The following ATP2B2 variants were observed in gnomAD, a reference collection of about 807,000 sequenced individuals.
ATP2B2 encodes plasma membrane calcium-transporting ATPase 2.
In ATP2B2, 15 loss-of-function variants were observed where a neutral mutation model predicts 120.0. The ratio of observed to expected loss-of-function variants is 0.12; its 90% CI spans 0.08 to 0.19. The LOEUF is 0.19. ATP2B2 is among the 10% of genes least tolerant of loss of function. The pLI is 1.00. For synonymous variants in ATP2B2, 694 were observed against 700.3 expected (o/e 0.99, Z 0.14); for missense variants, 1,045 against 1,719.8 (o/e 0.61, Z 6.94).
intron 2 of ATP2B2, among the ~76,000 whole-genome samples, chr3:10,593,830 A>T (rs1166154146): frequency 2.0e-5 from 3 of 152,172 alleles, no homozygotes; most frequent in African/African-American, 7.2e-5. Flanking sequence ...CAAAGGGCTA[A>T]TACCCAGAAT....
At chr3:10,390,959 G>C (rs1040934518) in intron 5 of ATP2B2, among the ~76,000 whole-genome samples, 3 of 152,168 alleles carry the variant, frequency 2.0e-5, no homozygotes, top group Non-Finnish European at 4.4e-5. Flanking sequence ...AGCTCGGCTT[G>C]TTAGGGTGCT....
At chr3:10,374,965 C>T (rs1027002735) in intron 11 of ATP2B2, among the ~76,000 whole-genome samples, 5 of 152,218 alleles carry the variant, frequency 3.3e-5, no homozygotes, top group Non-Finnish European at 5.9e-5. Flanking sequence ...CAGTTGCCCG[C>T]GGGGCCTACG....
At chr3:10,621,801 G>T (rs946034022) in intron 1 of ATP2B2, among the ~76,000 whole-genome samples, 6 of 152,348 alleles carry the variant, frequency 3.9e-5, no homozygotes, top group Admixed American at 2.0e-4. Context: ...TGAGGAAGTT[G>T]AGTCCCAGAG....
intron 8 of ATP2B2, among the ~76,000 whole-genome samples, chr3:10,381,318 A>T (rs3774164): frequency 1.3e-5 from 2 of 152,182 alleles, no homozygotes; most frequent in East Asian, 3.9e-4. Flanking sequence ...GAATAACAAC[A>T]ATTATTTTTA....
In ATP2B2 at chr3:10,488,463, A is replaced by ATTCATTCC. The variant is rs1398194870; in HGVS notation, c.-320+17001_-320+17002insGGAATGAA. 8.7e-3 allele frequency among the ~76,000 whole-genome samples: 833 copies of ATTCATTCC among 95,752 alleles called. 9 individuals carry two copies. Among genetic ancestry groups the ATTCATTCC allele is most frequent in the Middle Eastern group, 0.038 (7 of 184 alleles). 62.8% of individuals were successfully genotyped at this position (95,752 alleles called of 152,430 possible). ...CATCCATCCATCCACCACCCTACAA[A>ATTCATTCC]TTCCTTCCTTCCTTCCTTCCTTCCT... On this transcript the variant is annotated intron_variant, in intron 1 of 22. Coordinates refer to ENST00000360273, the MANE Select transcript of ATP2B2 (RefSeq NM_001001331.4).
intron 5 of ATP2B2, among the ~76,000 whole-genome samples, chr3:10,389,574 G>A (rs2061784966): frequency 6.6e-6 from 1 of 152,036 alleles, no homozygotes; most frequent in South Asian, 2.1e-4. Flanking sequence ...GAGATAGAAA[G>A]TAGAATGGTG....
At chr3:10,477,952 G>A (rs1382742900) in intron 1 of ATP2B2, among the ~76,000 whole-genome samples, 1 of 152,038 alleles carries the variant, frequency 6.6e-6, no homozygotes, top group Non-Finnish European at 1.5e-5. Flanking sequence ...TTTTTTTGAG[G>A]GACCACTATA....
At chr3:10,502,778 A>G (rs1186315066) in intron 1 of ATP2B2, among the ~76,000 whole-genome samples, 2 of 152,212 alleles carry the variant, frequency 1.3e-5, no homozygotes, top group Non-Finnish European at 2.9e-5. Context: ...GAATCTTGCC[A>G]CAAAATTCTA....
intron 2 of ATP2B2, among the ~76,000 whole-genome samples, chr3:10,445,626 G>A (rs144147013): frequency 1.3e-5 from 2 of 152,342 alleles, no homozygotes; most frequent in East Asian, 3.9e-4. Context: ...CCGTGCCCTG[G>A]GTGAGCGCTG....
At chr3:10,403,979 A>C (rs540135648) in intron 3 of ATP2B2, among the ~76,000 whole-genome samples, 6 of 152,348 alleles carry the variant, frequency 3.9e-5, no homozygotes, top group Admixed American at 3.9e-4. Flanking sequence ...CAGAAGCTTC[A>C]AGAGACCCCA....
intron 13 of ATP2B2, 85 bp downstream of exon 13, chr3:10,359,797 G>A: frequency 6.3e-7 from 1 of 1,584,254 alleles, no homozygotes; most frequent in Non-Finnish European, 8.6e-7. Flanking sequence ...GGCCTGGATG[G>A]CGGCCAGTGC....
chr3:10,634,715 G>A (rs1470673600), intron 1 of ATP2B2, among the ~76,000 whole-genome samples: 1 of 152,328 alleles, frequency 6.6e-6, no homozygotes, highest in East Asian at 1.9e-4. Context: ...CTTCTCCACA[G>A]AAGAGTGCAT....
chr3:10,448,377 T>G (rs552250477), intron 2 of ATP2B2, among the ~76,000 whole-genome samples: 2 of 152,084 alleles, frequency 1.3e-5, no homozygotes, highest in South Asian at 4.2e-4. Flanking sequence ...GGATTGGGAG[T>G]GTCACTGCAG....
intron 2 of ATP2B2, among the ~76,000 whole-genome samples, chr3:10,593,443 G>C (rs1333411759): frequency 6.6e-6 from 1 of 152,190 alleles, no homozygotes; most frequent in African/African-American, 2.4e-5. Context: ...AGAGTTGACT[G>C]TCTGTGCAGA....
At position 10,402,477 on chromosome 3, in the gene ATP2B2, C is replaced by A; in HGVS notation, c.398-129G>T. 6 of 1,386,924 alleles carry A rather than the reference C, an allele frequency of 4.3e-6. No homozygotes were observed. Among genetic ancestry groups the A allele is most frequent in the African/African-American group, 1.4e-5 (1 of 70,706 alleles). The allele number at this position is 1,386,924 out of a possible 1,614,324, so 85.9% of individuals were successfully genotyped here. On this transcript the variant is annotated intron_variant, in intron 3 of 22. Transcript: ENST00000360273. The surrounding 1 kb of genome is among the most constrained non-coding windows in gnomAD (Gnocchi z 4.9). ...ATCAGATGATAATTATCCACTTACT[C>A]AGTGTGTCTGGGTACCAAGCCCTGT...
At chr3:10,406,404 C>T (rs2062413044) in intron 3 of ATP2B2, among the ~76,000 whole-genome samples, 3 of 152,198 alleles carry the variant, frequency 2.0e-5, no homozygotes, top group African/African-American at 2.4e-5. Flanking sequence ...CATGCAAGGC[C>T]GTTTCTGTCA....
intron 3 of ATP2B2, among the ~76,000 whole-genome samples, chr3:10,410,265 T>C (rs1425711175): frequency 1.3e-5 from 2 of 152,218 alleles, no homozygotes; most frequent in African/African-American, 4.8e-5. Flanking sequence ...CAGTATATAC[T>C]GAACCCAGGG....
At chr3:10,690,433 T>TATC (rs2071633442) in intron 1 of ATP2B2, among the ~76,000 whole-genome samples, 1 of 45,616 alleles carries the variant, frequency 2.2e-5, no homozygotes, top group Non-Finnish European at 4.7e-5. Flanking sequence ...TCTATATCTA[T>TATC]ATCTATCTAT....
chr3:10,628,914 G>C (rs1387833567), intron 1 of ATP2B2, among the ~76,000 whole-genome samples: 2 of 152,138 alleles, frequency 1.3e-5, no homozygotes, highest in Non-Finnish European at 2.9e-5. Context: ...ATATAACCTT[G>C]TTTTAAGTAT....
Sources: gnomAD v4.1 joint callset for allele counts (sites outside exome capture counted in the v4.1 genomes callset) on GRCh38, gnomAD v4.1.1 for gene constraint, Gnocchi (gnomAD v3.1) non-coding constraint, MANE v1.5 for transcripts, NCBI Gene and HGNC (gene_info 2026-07-23, HGNC 2026-07-21) for gene names.